Variants in MAPK14 observed in about 807,000 individuals in gnomAD.
MAPK14 encodes the protein mitogen-activated protein kinase 14.
In MAPK14, 16 loss-of-function variants were observed where a neutral mutation model predicts 49.6. The ratio of observed to expected loss-of-function variants is 0.32; its 90% CI spans 0.22 to 0.49. The LOEUF (loss-of-function observed/expected upper bound fraction) is 0.49, where lower values mean the gene tolerates loss of function less well. Ranked by LOEUF, MAPK14 falls within the 20% of genes least tolerant of loss-of-function variation. The probability of loss-of-function intolerance (pLI) is 0.99; values close to 1 mark genes in which losing one functional copy is unlikely to be tolerated. For synonymous variants in MAPK14, 142 were observed against 158.0 expected (o/e 0.90, Z 0.76); for missense variants, 200 against 441.2 (o/e 0.45, Z 4.90).
chr6:36,042,793 A>G lies in MAPK14; in HGVS notation c.117-9906A>G, dbSNP rs1350179461. On this transcript the variant is annotated intron_variant, in intron 1 of 11. Transcript: ENST00000229794. Reference sequence around the variant, plus strand: ...TAGGATTACAGGTGTGAGCCACCGCACCTAGCAGGAAACATCTTATAAAAT... The same window carrying G: ...TAGGATTACAGGTGTGAGCCACCGCGCCTAGCAGGAAACATCTTATAAAAT... Among the ~76,000 whole-genome samples the G allele has an allele frequency of 4.6e-5, 7 of 151,610 alleles. No individual in the cohort carries two copies. The East Asian group carries it at 1.4e-3, about 29-fold the overall frequency.
intron 1 of MAPK14, among the ~76,000 whole-genome samples, chr6:36,051,468 C>CTGA (rs1188165854): frequency 2.6e-5 from 4 of 152,230 alleles, no homozygotes; most frequent in Non-Finnish European, 4.4e-5. Context: ...CCTCCATGAT[C>CTGA]TAGCTGCTGC....
In MAPK14 at chr6:36,107,567, A is replaced by G. The variant is rs778080680; in HGVS notation, c.954A>G (p.Pro318=). 4 of 1,607,278 alleles carry G rather than the reference A, an allele frequency of 2.5e-6. No individual in the cohort carries two copies. The highest frequency in any genetic ancestry group is 2.5e-6 in the Non-Finnish European group (3 of 1,176,910). Residue 318 remains proline (P), a synonymous_variant, in exon 11 of 12, where the codon CCA becomes CCG. Coordinates refer to ENST00000229794, the MANE Select transcript of MAPK14 (RefSeq NM_139012.3). The surrounding 1 kb of genome is among the most constrained non-coding windows in gnomAD (Gnocchi z 4.3). ...FAQYHDPDDE[P]VADPYDQSFE... ...AGTACCACGATCCTGATGATGAACC[A>G]GTGGCCGATCCTTATGATCAGTCCT...
chr6:36,101,038 GA>G (rs1217920772), intron 9 of MAPK14, among the ~76,000 whole-genome samples: 1 of 152,178 alleles, frequency 6.6e-6, no homozygotes, highest in African/African-American at 2.4e-5. Flanking sequence ...AGTAGAAAGG[GA>G]TTACAGCCAT....
intron 1 of MAPK14, among the ~76,000 whole-genome samples, chr6:36,051,883 ATAT>A (rs1356729704): frequency 5.3e-5 from 8 of 152,178 alleles, no homozygotes; most frequent in East Asian, 1.9e-4. Context: ...ATAAACATTA[ATAT>A]TATTATTATT....
At chr6:36,035,806 A>G (rs556328164) in intron 1 of MAPK14, among the ~76,000 whole-genome samples, 1 of 152,346 alleles carries the variant, frequency 6.6e-6, no homozygotes, top group Admixed American at 6.5e-5. Context: ...TCTAGAGCAA[A>G]GCCCTAACTC....
intron 9 of MAPK14, among the ~76,000 whole-genome samples, chr6:36,101,960 C>T (rs920743744): frequency 1.3e-5 from 2 of 152,204 alleles, no homozygotes; most frequent in Admixed American, 1.3e-4. Context: ...AGTGGGATAG[C>T]AGATAATGTT....
At chr6:36,098,073 C>T (rs1007836993) in intron 9 of MAPK14, 3 of 151,122 alleles carry the variant, frequency 2.0e-5, no homozygotes, top group African/African-American at 7.3e-5. Context: ...AAAAATAAGG[C>T]CAGGTGAGTA....
intron 2 of MAPK14, among the ~76,000 whole-genome samples, chr6:36,058,787 C>A (rs1435010215): frequency 6.6e-6 from 1 of 151,824 alleles, no homozygotes; most frequent in Non-Finnish European, 1.5e-5. Flanking sequence ...ATAGTCCCAG[C>A]TACTTGGGAG....
At chr6:36,095,833 G>T (rs1239815316) in intron 8 of MAPK14, among the ~76,000 whole-genome samples, 154 bp from the exon 9 acceptor site, 1 of 151,456 alleles carries the variant, frequency 6.6e-6, no homozygotes, top group Non-Finnish European at 1.5e-5. Context: ...TCCTGCAGGA[G>T]CCTTGACCTA....
chr6:36,039,670 T>C (rs1410734981), intron 1 of MAPK14, among the ~76,000 whole-genome samples: 2 of 152,112 alleles, frequency 1.3e-5, no homozygotes, highest in Non-Finnish European at 2.9e-5. Flanking sequence ...GATATTTTGT[T>C]TACAGAGATT....
In MAPK14 at chr6:36,028,050, C is replaced by T; in HGVS notation, c.-108C>T. 3 of 606,180 alleles carry T rather than the reference C, an allele frequency of 4.9e-6. No individual in the cohort carries two copies. Among genetic ancestry groups the T allele is most frequent in the South Asian group, 5.5e-5 (2 of 36,328 alleles). The allele number at this position is 606,180 out of a possible 1,614,324, so 37.6% of individuals were successfully genotyped here. Reference sequence around the variant, plus strand: ...CAGCCGCACCTGCGCGGGCGACCAGCGCAAGGTCCCCGCCCGGCTGGGCGG... The same window carrying T: ...CAGCCGCACCTGCGCGGGCGACCAGTGCAAGGTCCCCGCCCGGCTGGGCGG... On this transcript the variant is annotated 5_prime_UTR_variant, in exon 1 of 12. Transcript: ENST00000229794. The surrounding 1 kb of genome is among the most constrained non-coding windows in gnomAD (Gnocchi z 5.1).
At chr6:36,092,103 G>A (rs1765257854) in intron 8 of MAPK14, 9 of 512,062 alleles carry the variant, frequency 1.8e-5, no homozygotes, top group South Asian at 5.7e-5. Flanking sequence ...CGAGAGCATC[G>A]AGTCCCTGCA....
chr6:36,063,361 G>C (rs1206286842), intron 3 of MAPK14, among the ~76,000 whole-genome samples: 1 of 152,152 alleles, frequency 6.6e-6, no homozygotes, highest in Admixed American at 6.5e-5. Flanking sequence ...GCCGAGGTGG[G>C]CAGATCACTT....
At chr6:36,098,674 A>G (rs1355557420) in intron 9 of MAPK14, among the ~76,000 whole-genome samples, 2 of 152,228 alleles carry the variant, frequency 1.3e-5, no homozygotes, top group Non-Finnish European at 2.9e-5. Context: ...AAAGGAGACA[A>G]AGACAGAAAA....
intron 7 of MAPK14, 120 bp from the exon 8 acceptor site, chr6:36,076,417 T>C (rs1764533944): frequency 5.6e-6 from 4 of 718,532 alleles, no homozygotes; most frequent in Non-Finnish European, 9.7e-6. Flanking sequence ...GTATGATTGT[T>C]GAGCCTCAGA....
chr6:36,046,190 C>G (rs1275784600), intron 1 of MAPK14, among the ~76,000 whole-genome samples: 2 of 152,088 alleles, frequency 1.3e-5, no homozygotes, highest in Non-Finnish European at 2.9e-5. Flanking sequence ...ATAACTGCTT[C>G]TAATTTTTAT....
chr6:36,047,992 C>T lies in MAPK14; in HGVS notation c.117-4707C>T, dbSNP rs577657646. 3.3e-5 allele frequency among the ~76,000 whole-genome samples: 5 copies of T among 152,112 alleles called. No homozygotes were observed. The East Asian group carries it at 9.6e-4, about 29-fold the overall frequency. ...CTCCTAACCTTAGCCTCCCAAAGTGCTGGGATTATAGGCGTGAGCCACTGC... is the reference window on the plus strand; with the variant it reads ...CTCCTAACCTTAGCCTCCCAAAGTGTTGGGATTATAGGCGTGAGCCACTGC... On this transcript the variant is annotated intron_variant, in intron 1 of 11. Transcript: ENST00000229794.
chr6:36,062,528 A>G (rs932064380), intron 3 of MAPK14, among the ~76,000 whole-genome samples: 2 of 152,176 alleles, frequency 1.3e-5, no homozygotes, highest in South Asian at 2.1e-4. Flanking sequence ...ACCAGACATA[A>G]TTTAGGCTAG....
chr6:36,076,047 T>C, intron 7 of MAPK14, 85 bp downstream of exon 7: 2 of 1,372,584 alleles, frequency 1.5e-6, no homozygotes. Context: ...ATGGTGGGAG[T>C]GGGAAGAAAT....
Sources: allele counts gnomAD v4.1 joint callset (sites outside exome capture counted in the v4.1 genomes callset), GRCh38; gene constraint gnomAD v4.1.1; non-coding constraint Gnocchi (gnomAD v3.1); transcripts MANE v1.5; gene names NCBI Gene and HGNC (gene_info 2026-07-23, HGNC 2026-07-21).